TRAPPC9: variants seen among roughly 807,000 people sequenced by gnomAD.
The protein encoded by TRAPPC9 is trafficking protein particle complex subunit 9, also known as IKK2 binding protein.
TRAPPC9 carries 83 observed loss-of-function variants against 124.0 expected under a neutral mutation model. The ratio of observed to expected loss-of-function variants is 0.67; its 90% confidence interval spans 0.56 to 0.80. TRAPPC9 has a LOEUF of 0.80. Ranked by LOEUF, TRAPPC9 falls within the 30% of genes least tolerant of loss-of-function variation. The probability of loss-of-function intolerance (pLI) is 0.00; values close to 1 mark genes in which losing one functional copy is unlikely to be tolerated. For synonymous variants in TRAPPC9, 638 were observed against 617.5 expected, an observed-to-expected ratio of 1.03 and a Z score of -0.49; for missense variants, 1,302 against 1,508.3, an observed-to-expected ratio of 0.86 and a Z score of 2.27.
chr8:140,439,219 A>G (rs1462013846), intron 2 of TRAPPC9, 22 bp from the exon 3 acceptor site: 2 of 1,613,576 alleles, frequency 1.2e-6, no homozygotes, highest in African/African-American at 1.3e-5. Flanking sequence ...ATGAAAATGT[A>G]TCTTTATTAC....
At chr8:139,768,551 G>A (rs971012690) in intron 21 of TRAPPC9, among the ~76,000 whole-genome samples, 2 of 152,166 alleles carry the variant, frequency 1.3e-5, no homozygotes, top group African/African-American at 2.4e-5. Context: ...ATCTGTTAGT[G>A]GTCACCATCT....
At chr8:140,429,452 A>C (rs1588339486) in intron 4 of TRAPPC9, among the ~76,000 whole-genome samples, 1 of 116,690 alleles carries the variant, frequency 8.6e-6, no homozygotes, top group African/African-American at 2.6e-5. Flanking sequence ...CAAGTTCCTC[A>C]ACCTGTCTAT....
In TRAPPC9 at chr8:139,764,895, G is replaced by A. The variant is rs919402162; in HGVS notation, c.3056-32693C>T. 3.9e-5 allele frequency among the ~76,000 whole-genome samples: 6 copies of A among 152,224 alleles called. No individual in the cohort carries two copies. In the South Asian group the frequency reaches 6.2e-4, roughly 16 times the overall value. On this transcript the variant is annotated intron_variant, in intron 21 of 22. Coordinates refer to ENST00000438773, the MANE Select transcript of TRAPPC9 (RefSeq NM_001160372.4). The stretch of plus-strand genomic sequence containing the variant: ...CACTGAAACGTGGCAGCAAGTACTC[G>A]GTTCTCGTCCCAGAACCGCACTCCT...
At chr8:140,444,037 A>G (rs1300634988) in intron 2 of TRAPPC9, among the ~76,000 whole-genome samples, 2 of 48,956 alleles carry the variant, frequency 4.1e-5, no homozygotes, top group Admixed American at 1.9e-4. Flanking sequence ...CTCCATCTCA[A>G]AAAAAAAAAA....
At chr8:140,394,365 CAG>C (rs1210072845) in intron 7 of TRAPPC9, among the ~76,000 whole-genome samples, 4 of 152,228 alleles carry the variant, frequency 2.6e-5, no homozygotes, top group African/African-American at 7.2e-5. Flanking sequence ...TTGCCCATCG[CAG>C]AGTCACTTTA....
At chr8:140,051,404 T>C (rs953694903) in intron 17 of TRAPPC9, among the ~76,000 whole-genome samples, 7 of 152,138 alleles carry the variant, frequency 4.6e-5, no homozygotes, top group Non-Finnish European at 1.0e-4. Context: ...CAACCCTGGA[T>C]TCAGAAGCCT....
chr8:139,939,730 C>G (rs777549513), intron 19 of TRAPPC9, among the ~76,000 whole-genome samples: 4 of 152,236 alleles, frequency 2.6e-5, no homozygotes, highest in Admixed American at 6.5e-5. Context: ...CTGGTCACAT[C>G]TGATCATGGC....
intron 10 of TRAPPC9, among the ~76,000 whole-genome samples, chr8:140,305,217 T>A (rs1387708617): frequency 6.6e-6 from 1 of 152,218 alleles, no homozygotes; most frequent in Non-Finnish European, 1.5e-5. Context: ...TAGGACATTA[T>A]GAATTCCAGG....
In TRAPPC9 at chr8:139,984,675, C is replaced by T. The variant is rs947211051; in HGVS notation, c.2810+4051G>A. ...TGCACTGCTCTGCACAACCCCTCCA[C>T]GGAGGCCGAGTGTGCATCTGACCCA... On this transcript the variant is annotated intron_variant, in intron 19 of 22. Coordinates refer to ENST00000438773, the MANE Select transcript of TRAPPC9 (RefSeq NM_001160372.4). This position sits in a 1 kb window ranked among gnomAD's most constrained non-coding sequence, Gnocchi z 4.3. 2.6e-5 allele frequency among the ~76,000 whole-genome samples: 4 copies of T among 152,158 alleles called. No individual in the cohort carries two copies. Among genetic ancestry groups the T allele is most frequent in the Non-Finnish European group, 4.4e-5 (3 of 68,022 alleles).
At chr8:139,812,975 C>T (rs997921361) in intron 21 of TRAPPC9, among the ~76,000 whole-genome samples, 5 of 152,334 alleles carry the variant, frequency 3.3e-5, no homozygotes, top group African/African-American at 4.8e-5. Flanking sequence ...GCAAGCTCCA[C>T]GCCTGGCCCT....
At chr8:140,159,331 C>G (rs4736144) in intron 17 of TRAPPC9, among the ~76,000 whole-genome samples, 27,942 of 152,104 alleles carry the variant, frequency 0.18, 3,401 homozygotes, top group East Asian at 0.47. Context: ...TGGATTTATC[C>G]CACACACTGA....
At chr8:140,342,268 G>A (rs963539197) in intron 9 of TRAPPC9, among the ~76,000 whole-genome samples, 1 of 152,116 alleles carries the variant, frequency 6.6e-6, no homozygotes, top group African/African-American at 2.4e-5. Flanking sequence ...ACCACCCTGG[G>A]ATGTTCTATT....
chr8:140,013,384 C>T (rs1346941820), intron 18 of TRAPPC9, among the ~76,000 whole-genome samples: 1 of 152,348 alleles, frequency 6.6e-6, no homozygotes, highest in East Asian at 1.9e-4. Flanking sequence ...AAACAAACAA[C>T]TCAAATCCCA....
intron 11 of TRAPPC9, among the ~76,000 whole-genome samples, chr8:140,292,043 G>A (rs969363379): frequency 3.3e-5 from 5 of 152,182 alleles, no homozygotes; most frequent in African/African-American, 9.7e-5. Flanking sequence ...CAAATCATGA[G>A]GAAGCAGATT....
chr8:140,389,571 A>AG (rs2068863397), intron 7 of TRAPPC9, among the ~76,000 whole-genome samples: 1 of 152,204 alleles, frequency 6.6e-6, no homozygotes, highest in Admixed American at 6.5e-5. Context: ...GTCTATGACA[A>AG]GTATTGTGCT....
intron 19 of TRAPPC9, among the ~76,000 whole-genome samples, chr8:139,977,930 C>T (rs940074321): frequency 9.2e-5 from 14 of 152,046 alleles, no homozygotes; most frequent in East Asian, 3.9e-4. Flanking sequence ...ATCCACCCAC[C>T]ACGGCCTCCT....
chr8:140,195,095 C>T (rs2062609066), intron 17 of TRAPPC9, among the ~76,000 whole-genome samples: 1 of 151,944 alleles, frequency 6.6e-6, no homozygotes, highest in Non-Finnish European at 1.5e-5. Flanking sequence ...ATCCACCATA[C>T]AGATCATACC....
chr8:140,107,970 G>T (rs1034142081), intron 17 of TRAPPC9, among the ~76,000 whole-genome samples: 1 of 151,948 alleles, frequency 6.6e-6, no homozygotes, highest in African/African-American at 2.4e-5. Context: ...GGGGTGGGGT[G>T]TAGGGGGATG....
intron 2 of TRAPPC9, among the ~76,000 whole-genome samples, chr8:140,441,128 A>T (rs1456115489): frequency 6.6e-6 from 1 of 151,432 alleles, no homozygotes; most frequent in Non-Finnish European, 1.5e-5. Flanking sequence ...ACAGGTGTGC[A>T]CCACAACACC....
Sources: gnomAD v4.1 joint callset for allele counts (sites outside exome capture counted in the v4.1 genomes callset) on GRCh38, gnomAD v4.1.1 for gene constraint, Gnocchi (gnomAD v3.1) non-coding constraint, MANE v1.5 for transcripts, NCBI Gene and HGNC (gene_info 2026-07-23, HGNC 2026-07-21) for gene names.